Variants in PTPRJ observed in about 807,000 individuals in gnomAD.
PTPRJ encodes the protein protein tyrosine phosphatase receptor type J, also known as receptor-type tyrosine-protein phosphatase eta.
PTPRJ carries 129 observed loss-of-function variants against 141.3 expected under a neutral mutation model. That is an observed-to-expected ratio of 0.91 (90% CI 0.79 to 1.06). The LOEUF (loss-of-function observed/expected upper bound fraction) is 1.06. Ranked by LOEUF, PTPRJ falls within the 50% of genes least tolerant of loss-of-function variation. The pLI is 0.00. For missense variants in PTPRJ, 1,601 were observed against 1,679.7 expected (o/e 0.95, Z 0.82); for synonymous variants, 610 against 640.5 (o/e 0.95, Z 0.72).
At chr11:48,027,868 T>G (rs1853867174) in intron 1 of PTPRJ, among the ~76,000 whole-genome samples, 1 of 151,062 alleles carries the variant, frequency 6.6e-6, no homozygotes, top group African/African-American at 2.4e-5. Flanking sequence ...GCTGCAGTAT[T>G]GTCAGGTTTG....
chr11:48,101,591 C>T (rs1031394631), intron 1 of PTPRJ, among the ~76,000 whole-genome samples: 4 of 152,206 alleles, frequency 2.6e-5, no homozygotes, highest in East Asian at 1.9e-4. Context: ...AGCTGGTTTC[C>T]TCCTCTGGGA....
At chr11:48,149,581 T>C in intron 16 of PTPRJ, 93 bp downstream of exon 16, 1 of 879,936 alleles carries the variant, frequency 1.1e-6, no homozygotes, top group Non-Finnish European at 1.7e-6. Flanking sequence ...GCTGTCATTT[T>C]TCCTGATTGG....
intron 18 of PTPRJ, among the ~76,000 whole-genome samples, chr11:48,152,826 G>A (rs1304847225): frequency 2.6e-5 from 4 of 152,188 alleles, no homozygotes; most frequent in South Asian, 2.1e-4. Flanking sequence ...TTTGGTTACT[G>A]TAGCCTTGTA....
At position 48,158,410 on chromosome 11, in the gene PTPRJ, T is replaced by G. The variant is rs567551671; in HGVS notation, c.3439-1520T>G. On this transcript the variant is annotated intron_variant, in intron 21 of 24. Coordinates refer to ENST00000418331, the MANE Select transcript of PTPRJ (RefSeq NM_002843.4). This position sits in a 1 kb window ranked among gnomAD's most constrained non-coding sequence, Gnocchi z 4.4. ...GCACTAGATTCTCCATATATGTTATTTTTTTTCTGTAACAACCCTGTGAGG... is the reference window on the plus strand; with the variant it reads ...GCACTAGATTCTCCATATATGTTATGTTTTTTCTGTAACAACCCTGTGAGG... Among the ~76,000 whole-genome samples the G allele has an allele frequency of 6.6e-5, 10 of 152,222 alleles. No homozygotes were observed. The South Asian group carries it at 1.9e-3, about 28-fold the overall frequency.
At chr11:48,146,647 T>C (rs1003695983) in intron 14 of PTPRJ, among the ~76,000 whole-genome samples, 8 of 152,128 alleles carry the variant, frequency 5.3e-5, no homozygotes, top group Admixed American at 5.2e-4. Flanking sequence ...ATCCAGGTAG[T>C]AGTGGATTGG....
chr11:48,093,045 AT>A (rs1435176278), intron 1 of PTPRJ, among the ~76,000 whole-genome samples: 2 of 152,150 alleles, frequency 1.3e-5, no homozygotes, highest in Admixed American at 1.3e-4. Flanking sequence ...TATATTTTCT[AT>A]TTCTAAACTA....
intron 10 of PTPRJ, among the ~76,000 whole-genome samples, chr11:48,137,876 T>C (rs1857142028): frequency 6.6e-6 from 1 of 152,190 alleles, no homozygotes; most frequent in Non-Finnish European, 1.5e-5. Flanking sequence ...TGCCCAGCCT[T>C]TGCATCCTTC....
chr11:48,060,185 A>G (rs1283979312), intron 1 of PTPRJ, among the ~76,000 whole-genome samples: 2 of 152,210 alleles, frequency 1.3e-5, no homozygotes, highest in East Asian at 3.8e-4. Context: ...GCCATTAGTA[A>G]AATTTAAAGT....
At chr11:48,003,941 A>G (rs1210044734) in intron 1 of PTPRJ, among the ~76,000 whole-genome samples, 1 of 152,190 alleles carries the variant, frequency 6.6e-6, no homozygotes, top group Non-Finnish European at 1.5e-5. Flanking sequence ...CATTTTTTTA[A>G]TGCTCAGGGA....
chr11:48,016,591 G>T (rs1223993287), intron 1 of PTPRJ, among the ~76,000 whole-genome samples: 1 of 152,158 alleles, frequency 6.6e-6, no homozygotes, highest in African/African-American at 2.4e-5. Context: ...TGCATATGGG[G>T]AAGTCACTTT....
chr11:48,088,785 AG>A (rs1449217273), intron 1 of PTPRJ, among the ~76,000 whole-genome samples: 2 of 152,094 alleles, frequency 1.3e-5, no homozygotes, highest in Non-Finnish European at 2.9e-5. Flanking sequence ...TTTGTGCACA[AG>A]GCTGTCTCCT....
intron 9 of PTPRJ, 151 bp downstream of exon 9, chr11:48,136,447 C>T: frequency 2.1e-6 from 2 of 937,688 alleles, no homozygotes; most frequent in Non-Finnish European, 3.2e-6. Context: ...AATGGTTCTG[C>T]TGTCACCATG....
intron 6 of PTPRJ, among the ~76,000 whole-genome samples, chr11:48,126,076 G>A (rs1055215118): frequency 6.6e-6 from 1 of 152,080 alleles, no homozygotes; most frequent in South Asian, 2.1e-4. Context: ...GGCAGTGGTG[G>A]GGTGTCCTGC....
rs1222838897 is a variant in PTPRJ, at chr11:48,153,831, T to C, written c.3174T>C (p.Tyr1058=). The C allele has an allele frequency of 1.9e-6, 3 of 1,613,938 alleles. No homozygotes were observed. The highest frequency in any genetic ancestry group is 1.7e-6 in the Non-Finnish European group (2 of 1,179,840). ...LKLVGISQPK[Y]AAELAENRGK... ...TTGTTGGAATTAGTCAACCTAAATA[T>C]GCAGCAGAACTGGCTGAGAATAGAG... is the stretch of plus-strand genomic sequence containing the variant. Residue 1058 remains tyrosine (Y), a synonymous_variant, in exon 19 of 25, where the codon TAT becomes TAC. Coordinates refer to ENST00000418331, the MANE Select transcript of PTPRJ (RefSeq NM_002843.4).
At chr11:48,014,849 T>C (rs528138062) in intron 1 of PTPRJ, among the ~76,000 whole-genome samples, 1 of 152,236 alleles carries the variant, frequency 6.6e-6, no homozygotes, top group East Asian at 1.9e-4. Context: ...ATTACAGGCA[T>C]GCGCCACCAT....
At chr11:48,102,053 C>T (rs1856163482) in intron 1 of PTPRJ, among the ~76,000 whole-genome samples, 1 of 152,162 alleles carries the variant, frequency 6.6e-6, no homozygotes, top group Non-Finnish European at 1.5e-5. Context: ...AACCCGTGGA[C>T]TTTGGTTGCA....
chr11:48,039,675 C>T (rs889099257), intron 1 of PTPRJ, among the ~76,000 whole-genome samples: 6 of 152,158 alleles, frequency 3.9e-5, no homozygotes, highest in African/African-American at 1.4e-4. Flanking sequence ...GTGGGTTTCA[C>T]CCCTCACCCC....
chr11:48,166,112 C>T (rs1386438973), intron 24 of PTPRJ, among the ~76,000 whole-genome samples: 1 of 151,880 alleles, frequency 6.6e-6, no homozygotes, highest in African/African-American at 2.4e-5. Context: ...ATCCGCCCGC[C>T]TCGGCCTCCC....
chr11:48,080,784 C>T (rs1030277143), intron 1 of PTPRJ, among the ~76,000 whole-genome samples: 5 of 152,214 alleles, frequency 3.3e-5, no homozygotes, highest in African/African-American at 7.2e-5. Flanking sequence ...CACCTTTAAG[C>T]TCCCAGAGTA....
Sources: allele counts gnomAD v4.1 joint callset (sites outside exome capture counted in the v4.1 genomes callset), GRCh38; gene constraint gnomAD v4.1.1; non-coding constraint Gnocchi (gnomAD v3.1); transcripts MANE v1.5; gene names NCBI Gene and HGNC (gene_info 2026-07-23, HGNC 2026-07-21).